FASN: variants seen among roughly 807,000 people sequenced by gnomAD.
The protein encoded by FASN is fatty acid synthase.
Under a neutral mutation model 250.0 loss-of-function variants are expected in FASN, and 50 were observed. The observed-to-expected ratio is 0.20, with a 90% CI of 0.16 to 0.25. FASN has a LOEUF of 0.25. Among genes scored for constraint, FASN ranks in the 10% least tolerant of loss-of-function variants. FASN has a pLI of 1.00. For synonymous variants in FASN, 1,909 were observed against 1,584.0 expected, an observed-to-expected ratio of 1.21 and a Z score of -4.87; for missense variants, 3,031 against 3,498.5, an observed-to-expected ratio of 0.87 and a Z score of 3.37.
rs2033944763 is a variant in FASN, at chr17:82,079,241, C to A, written c.7438G>T (p.Asp2480Tyr). 1 of 1,613,028 alleles carries A rather than the reference C, an allele frequency of 6.2e-7. No homozygotes were observed. The highest frequency in any genetic ancestry group is 8.5e-7 in the Non-Finnish European group (1 of 1,179,960). Reference protein sequence around the residue: ...GKVSVHVIEGDHRTLLEGSGL... With the variant: ...GKVSVHVIEGYHRTLLEGSGL... ...CTGCCCTCCAGCAGCGTGCGGTGGT[C>A]ACCCTCGATGACGTGGACGGATACT... Residue 2480 changes from aspartate to tyrosine, a missense_variant, in exon 43 of 43, where the codon GAC becomes TAC. Asp to Tyr is a radical substitution (Grantham distance 160). Coordinates refer to ENST00000306749, the MANE Select transcript of FASN (RefSeq NM_004104.5).
rs1030380295 is a variant in FASN, at chr17:82,081,225, C to G, written c.6534G>C (p.Glu2178Asp). Residue 2178 changes from glutamate (E) to aspartate (D), a missense_variant, in exon 38 of 43, where the codon GAG becomes GAC. Physicochemically the swap from Glu to Asp is conservative, Grantham distance 45. Transcript: ENST00000306749. Reference sequence around the variant, plus strand: ...GTTTCCGGAGCGTGAGTTGCCGCACCTCGCGCACGGACAGCACCAGGTTGA... The same window carrying G: ...GTTTCCGGAGCGTGAGTTGCCGCACGTCGCGCACGGACAGCACCAGGTTGA... ...RELNLVLSVR[E>D]VRQLTLRKLQ... The G allele has an allele frequency of 6.3e-7, 1 of 1,592,018 alleles. No individual in the cohort carries two copies.
intron 31 of FASN, 40 bp from the exon 32 acceptor site, chr17:82,083,465 G>T (rs1598574962): frequency 1.2e-6 from 2 of 1,612,640 alleles, no homozygotes. Flanking sequence ...CCTTCCACAG[G>T]TCCACCCACA....
In FASN at chr17:82,080,873, A is replaced by T; in HGVS notation, c.6645T>A (p.Thr2215=). Residue 2215 remains threonine, a synonymous_variant, in exon 39 of 43, where the codon ACT becomes ACA. Transcript: ENST00000306749. ...CCAGCAGGGAGCGCAGGTTCAGCTG[A>T]GTCTGCTGCTGGGCCAGACCATCCT... ...PKEDGLAQQQ[T]QLNLRSLLVN... is the part of the protein sequence containing the mutation. 1 of 1,611,366 alleles carries T rather than the reference A, an allele frequency of 6.2e-7. No homozygotes were observed. Among genetic ancestry groups the T allele is most frequent in the Middle Eastern group, 1.7e-4 (1 of 5,896 alleles).
rs781357453 is a variant in FASN at position 82,090,432 on chromosome 17, A to G, written c.1813T>C (p.Trp605Arg). ...GCTTCTTTGATGCACTGTCCCCTCCAGTAGGCAGCGAGGACGGCCTCCTCC... is the reference window on the plus strand; with the variant it reads ...GCTTCTTTGATGCACTGTCCCCTCCGGTAGGCAGCGAGGACGGCCTCCTCC... ...SQEEAVLAAY[W>R]RGQCIKEAHL... The change falls in exon 11 of 43, where the codon TGG becomes CGG. Residue 605 changes from tryptophan (W) to arginine (R), a missense_variant. Physicochemically the swap from Trp to Arg is moderately radical, Grantham distance 101 (BLOSUM62 -3). Transcript: ENST00000306749. 5 of 1,603,382 alleles carry G rather than the reference A, an allele frequency of 3.1e-6. No individual in the cohort carries two copies. Among genetic ancestry groups the G allele is most frequent in the Non-Finnish European group, 4.3e-6 (5 of 1,176,124 alleles).
chr17:82,090,017 G>C (rs940385954), intron 11 of FASN, among the ~76,000 whole-genome samples: 1 of 152,234 alleles, frequency 6.6e-6, no homozygotes, highest in African/African-American at 2.4e-5. Context: ...TGTGGCCCAT[G>C]GGGCTCAGAG....
chr17:82,086,314 G>A lies in FASN; in HGVS notation c.3672C>T (p.Leu1224=), dbSNP rs2034097205. 6.2e-7 allele frequency: 1 copy of A among 1,601,536 alleles called. No homozygotes were observed. The highest frequency in any genetic ancestry group is 1.3e-5 in the African/African-American group (1 of 74,852). The change falls in exon 22 of 43, where the codon CTC becomes CTT. Residue 1224 remains leucine, a synonymous_variant. Transcript: ENST00000306749. ...LLSGLLDSPA[L]KACLDTAVEN... ...CCACGGCAGTGTCCAGGCAGGCCTT[G>A]AGTGCCGGGGAGTCCAGGAGGCCGC...
chr17:82,081,670 C>T lies in FASN; in HGVS notation c.6337G>A (p.Glu2113Lys). ...HMVLSSFVLA[E>K]KAAAYRDRDS... is the part of the protein sequence containing the mutation. Reference sequence around the variant, plus strand: ...CTGTCCCTATAGGCCGCAGCCTTCTCAGCCAGCACAAAGCTGCTCAGGACC... The same window carrying T: ...CTGTCCCTATAGGCCGCAGCCTTCTTAGCCAGCACAAAGCTGCTCAGGACC... Residue 2113 changes from glutamate to lysine, a missense_variant, in exon 37 of 43, where the codon GAG (glutamate) becomes AAG (lysine). Coordinates refer to ENST00000306749, the MANE Select transcript of FASN (RefSeq NM_004104.5). 2 of 1,612,806 alleles carry T rather than the reference C, an allele frequency of 1.2e-6. No individual in the cohort carries two copies. Among genetic ancestry groups the T allele is most frequent in the Non-Finnish European group, 1.7e-6 (2 of 1,180,002 alleles).
Position 82,081,712 on chromosome 17 carries a change from G to A in FASN, c.6295C>T (p.Leu2099=). 1.2e-6 allele frequency: 2 copies of A among 1,612,778 alleles called. No homozygotes were observed. The highest frequency in any genetic ancestry group is 2.2e-5 in the South Asian group (2 of 91,080). ...CTCAGGACCATGTGGGGCTGGTTCAGGAAGAGGTCCAGCACCTCCAGGCAG... is the reference window on the plus strand; with the variant it reads ...CTCAGGACCATGTGGGGCTGGTTCAAGAAGAGGTCCAGCACCTCCAGGCAG... ...ASCLEVLDLF[L]NQPHMVLSSF... Residue 2099 remains leucine, a synonymous_variant, in exon 37 of 43, where the codon CTG becomes TTG. Transcript: ENST00000306749.
At position 82,078,729 on chromosome 17, in the gene FASN, A is replaced by C; in HGVS notation, c.*414T>G. ...CCCGCGCCCGCAGGGGACATCGGGG[A>C]AATGGGGGCAGAGTGCGGGACCCAC... On this transcript the variant is annotated 3_prime_UTR_variant, in exon 43 of 43. Coordinates refer to ENST00000306749, the MANE Select transcript of FASN (RefSeq NM_004104.5). The surrounding 1 kb of genome is among the most constrained non-coding windows in gnomAD (Gnocchi z 5.4). 1 of 249,966 alleles carries C rather than the reference A, an allele frequency of 4.0e-6. No homozygotes were observed. Among genetic ancestry groups the C allele is most frequent in the South Asian group, 4.6e-5 (1 of 21,676 alleles). The allele number at this position is 249,966 out of a possible 1,614,324, so 15.5% of individuals were successfully genotyped here. A position where few individuals can be genotyped will look rare whatever the true frequency, so the allele number is the denominator to read the frequency against.
chr17:82,096,943 G>A (rs1176026663), intron 1 of FASN: 2 of 242,640 alleles, frequency 8.2e-6, no homozygotes, highest in Non-Finnish European at 1.7e-5. Context: ...GAGAGGCAGG[G>A]TCCCAAAGCC....
chr17:82,089,807 G>A, intron 11 of FASN, 81 bp from the exon 12 acceptor site: 5 of 1,200,204 alleles, frequency 4.2e-6, no homozygotes, highest in Non-Finnish European at 6.0e-6. Flanking sequence ...ACTGCCTGCA[G>A]CTGGGGGCAG....
rs140860714 is a variant in FASN at position 82,086,488 on chromosome 17, C to T, written c.3498G>A (p.Gly1166=). ...GLKMVVPGLD[G]AQIPRDPSQQ... Reference sequence around the variant, plus strand: ...GTGAGGGGTCCCGGGGGATCTGGGCCCCATCCAGTCCGGGCACCACCATCT... The same window carrying T: ...GTGAGGGGTCCCGGGGGATCTGGGCTCCATCCAGTCCGGGCACCACCATCT... Residue 1166 remains glycine (G), a synonymous_variant, in exon 22 of 43, where the codon GGG becomes GGA. Coordinates refer to ENST00000306749, the MANE Select transcript of FASN (RefSeq NM_004104.5). 187 of 1,612,486 alleles carry T rather than the reference C, an allele frequency of 1.2e-4. No homozygotes were observed. The African/African-American group carries it at 2.3e-3, about 20-fold the overall frequency.
chr17:82,085,827 C>A lies in FASN; in HGVS notation c.3777G>T (p.Leu1259=). 1 of 1,556,862 alleles carries A rather than the reference C, an allele frequency of 6.4e-7. No individual in the cohort carries two copies. The highest frequency in any genetic ancestry group is 1.8e-4 in the Middle Eastern group (1 of 5,612). ...HGHLYSRIPG[L]LSPHPLLQLS... ...GCTGCAGCAGGGGATGGGGGCTGAG[C>A]AGGCCTGGGATGCGGGAATACAGGT... is the stretch of plus-strand genomic sequence containing the variant. The change falls in exon 23 of 43, where the codon CTG becomes CTT. Residue 1259 remains leucine, a synonymous_variant. Transcript: ENST00000306749.
rs1228176392 is a variant in FASN at position 82,083,592 on chromosome 17, T to C, written c.5266A>G (p.Ser1756Gly). The C allele has an allele frequency of 3.1e-6, 5 of 1,612,356 alleles. No individual in the cohort carries two copies. The highest frequency in any genetic ancestry group is 2.2e-5 in the South Asian group (2 of 90,992). Residue 1756 changes from serine to glycine, a missense_variant, in exon 31 of 43, where the codon AGC (serine) becomes GGC (glycine). Coordinates refer to ENST00000306749, the MANE Select transcript of FASN (RefSeq NM_004104.5). ...CCGTGCGTAGCCAAGCACCTCACGCTGGCCTGCAGCTTCTCTTCCGCCAAG... is the reference window on the plus strand; with the variant it reads ...CCGTGCGTAGCCAAGCACCTCACGCCGGCCTGCAGCTTCTCTTCCGCCAAG... ...NSLAEEKLQA[S>G]VRCLATHGRF...
In FASN at chr17:82,080,840, C is replaced by T. The variant is rs762791524; in HGVS notation, c.6678G>A (p.Pro2226=). 60 of 1,610,960 alleles carry T rather than the reference C, an allele frequency of 3.7e-5. No individual in the cohort carries two copies. The highest frequency in any genetic ancestry group is 9.3e-5 in the African/African-American group (7 of 75,034). ...TGAGCCGCATCAGGGTGGGGCCCTC[C>T]GGGTTCACCAGCAGGGAGCGCAGGT... ...QLNLRSLLVN[P]EGPTLMRLNS... The change falls in exon 39 of 43, where the codon CCG becomes CCA. Residue 2226 remains proline (P), a synonymous_variant. Coordinates refer to ENST00000306749, the MANE Select transcript of FASN (RefSeq NM_004104.5).
Position 82,088,136 on chromosome 17 carries a change from G to C in FASN, c.2765C>G (p.Ala922Gly). The C allele has an allele frequency of 6.2e-7, 1 of 1,612,786 alleles. No homozygotes were observed. Among genetic ancestry groups the C allele is most frequent in the Non-Finnish European group, 8.5e-7 (1 of 1,179,978 alleles). The stretch of plus-strand genomic sequence containing the variant: ...CTCACCAGTCTTGGGCAGGATGGTG[G>C]CCTGGTGCAGCACCACATCCTCAAA... ...VVFEDVVLHQ[A>G]TILPKTGTVS... The change falls in exon 17 of 43, where the codon GCC (alanine) becomes GGC (glycine). Residue 922 changes from alanine to glycine, a missense_variant. Ala to Gly is a moderately conservative substitution (Grantham distance 60). Coordinates refer to ENST00000306749, the MANE Select transcript of FASN (RefSeq NM_004104.5).
At chr17:82,089,905 T>C (rs1457035576) in intron 11 of FASN, among the ~76,000 whole-genome samples, 179 bp from the exon 12 acceptor site, 1 of 152,138 alleles carries the variant, frequency 6.6e-6, no homozygotes, top group Non-Finnish European at 1.5e-5. Flanking sequence ...GGAGGTGTCA[T>C]TACAGAGCTG....
rs2034049057 is a variant in FASN, at chr17:82,084,387, G to A, written c.4769-3C>T. 4.4e-6 allele frequency: 7 copies of A among 1,604,122 alleles called. No homozygotes were observed. The highest frequency in any genetic ancestry group is 6.0e-6 in the Non-Finnish European group (7 of 1,176,202). On this transcript the variant is annotated splice_polypyrimidine_tract_variant and splice_region_variant and intron_variant, in intron 27 of 42. Coordinates refer to ENST00000306749, the MANE Select transcript of FASN (RefSeq NM_004104.5). ...GCTGTCCTGGGAGGTCCACTTCCCT[G>A]GGGGAGACGGCACTGAGCCCCTCAC...
At chr17:82,090,838 C>A (rs2034191202) in intron 10 of FASN, 44 bp downstream of exon 10, 5 of 1,550,256 alleles carry the variant, frequency 3.2e-6, no homozygotes, top group Non-Finnish European at 4.4e-6. Context: ...AAAGCCAGAG[C>A]CCTGGGGCTG....
Sources: gnomAD v4.1 joint callset for allele counts (sites outside exome capture counted in the v4.1 genomes callset) on GRCh38, gnomAD v4.1.1 for gene constraint, Gnocchi (gnomAD v3.1) non-coding constraint, MANE v1.5 for transcripts, NCBI Gene and HGNC (gene_info 2026-07-23, HGNC 2026-07-21) for gene names.